LAMB4: variants seen among roughly 807,000 people sequenced by gnomAD.
The protein encoded by LAMB4 is laminin subunit beta-4.
LAMB4 carries 196 observed loss-of-function variants against 199.2 expected under a neutral mutation model. The observed-to-expected ratio is 0.98, with a 90% CI of 0.88 to 1.11. The LOEUF is 1.11. Ranked by LOEUF, LAMB4 falls within the 50% of genes least tolerant of loss-of-function variation. The pLI is 0.00. For synonymous variants in LAMB4, 744 were observed against 770.6 expected, an observed-to-expected ratio of 0.97 and a Z score of 0.57; for missense variants, 2,080 against 2,171.2, an observed-to-expected ratio of 0.96 and a Z score of 0.83.
At chr7:108,021,002 A>G (rs2034681330), downstream of LAMB4, among the ~76,000 whole-genome samples, 1 of 152,222 alleles carries the variant, frequency 6.6e-6, no homozygotes, top group African/African-American at 2.4e-5. Context: ...CCATGGAAGG[A>G]GCAGTAGAGA....
intron 23 of LAMB4, among the ~76,000 whole-genome samples, chr7:108,059,980 T>C (rs59999979): frequency 0.046 from 7,032 of 152,282 alleles, 550 homozygotes; most frequent in African/African-American, 0.16. Context: ...AAAGTGTTGA[T>C]GAAAATATTG....
chr7:108,127,271 C>T (rs2038828815), intron 1 of LAMB4, among the ~76,000 whole-genome samples: 1 of 149,466 alleles, frequency 6.7e-6, no homozygotes, highest in South Asian at 2.1e-4. Flanking sequence ...AAGGCCCCGA[C>T]ATCAGTATTT....
chr7:108,079,805 G>C lies in LAMB4; in HGVS notation c.1702-19C>G, dbSNP rs914718606. On this transcript the variant is annotated intron_variant, in intron 14 of 33. Coordinates refer to ENST00000388781, the MANE Select transcript of LAMB4 (RefSeq NM_007356.3). ...CCGAGCCCTAAAATGGGAGAGGAAT[G>C]TAAATAGCTTTGCCTACAGTCAAGG... 2 of 1,550,910 alleles carry C rather than the reference G, an allele frequency of 1.3e-6. No homozygotes were observed. The highest frequency in any genetic ancestry group is 2.5e-5 in the South Asian group (2 of 79,090).
intron 9 of LAMB4, among the ~76,000 whole-genome samples, chr7:108,103,568 C>T (rs2037892332): frequency 6.6e-6 from 1 of 152,208 alleles, no homozygotes; most frequent in Non-Finnish European, 1.5e-5. Context: ...CTTTTACTGA[C>T]TTATGCTTTG....
chr7:108,043,933 A>G (rs2035528071), intron 28 of LAMB4, 37 bp from the exon 29 acceptor site: 3 of 1,562,144 alleles, frequency 1.9e-6, no homozygotes, highest in Non-Finnish European at 2.6e-6. Flanking sequence ...ATACTCGACA[A>G]TATACTCAAC....
intron 23 of LAMB4, 116 bp from the exon 24 acceptor site, chr7:108,058,044 G>T: frequency 2.8e-6 from 2 of 702,128 alleles, no homozygotes; most frequent in East Asian, 5.4e-5. Flanking sequence ...GTGCAAAGGC[G>T]GAGGAAGGAT....
intron 23 of LAMB4, among the ~76,000 whole-genome samples, chr7:108,058,505 T>C (rs202166854): frequency 6.6e-6 from 1 of 152,234 alleles, no homozygotes; most frequent in East Asian, 1.9e-4. Flanking sequence ...TTCTGAAAAC[T>C]GAGGAGGTTG....
At chr7:108,020,415 G>A (rs1235322290), downstream of LAMB4, among the ~76,000 whole-genome samples, 1 of 145,646 alleles carries the variant, frequency 6.9e-6, no homozygotes, top group Non-Finnish European at 1.5e-5. Flanking sequence ...AGGTTGCAGT[G>A]AGCCGAGATC....
downstream of LAMB4, among the ~76,000 whole-genome samples, chr7:108,019,515 C>T (rs755968499): frequency 6.6e-6 from 1 of 152,048 alleles, no homozygotes; most frequent in Admixed American, 6.6e-5. Context: ...AGGATGTGGA[C>T]GTCTTTTGGG....
At position 108,117,573 on chromosome 7, in the gene LAMB4, C is replaced by T. The variant is rs984057201; in HGVS notation, c.35-1412G>A. On this transcript the variant is annotated intron_variant, in intron 2 of 33. Coordinates refer to ENST00000388781, the MANE Select transcript of LAMB4 (RefSeq NM_007356.3). ...TACTTATGTTACAGGAAAGGGGTCC[C>T]GACCCAGACCCCAAGTGAGGGTTCT... 6.6e-5 allele frequency among the ~76,000 whole-genome samples: 10 copies of T among 152,164 alleles called. No individual in the cohort carries two copies. The East Asian group carries it at 1.2e-3, about 18-fold the overall frequency.
intron 1 of LAMB4, among the ~76,000 whole-genome samples, chr7:108,125,002 A>G (rs938134794): frequency 6.6e-6 from 1 of 152,212 alleles, no homozygotes; most frequent in African/African-American, 2.4e-5. Context: ...TCTGTGATTC[A>G]GGCTCTTTAT....
intron 16 of LAMB4, among the ~76,000 whole-genome samples, chr7:108,077,849 A>C (rs1451346781): frequency 6.6e-6 from 1 of 152,168 alleles, no homozygotes; most frequent in Admixed American, 6.5e-5. Context: ...CTTACATTTC[A>C]AAGCCACCTG....
chr7:108,118,558 C>T (rs1049625107), intron 2 of LAMB4, among the ~76,000 whole-genome samples: 1 of 151,886 alleles, frequency 6.6e-6, no homozygotes, highest in African/African-American at 2.4e-5. Flanking sequence ...GGTGCTGGAG[C>T]AATTGGATCC....
intron 29 of LAMB4, among the ~76,000 whole-genome samples, chr7:108,040,188 G>A (rs1023968577): frequency 6.6e-6 from 1 of 152,080 alleles, no homozygotes; most frequent in African/African-American, 2.4e-5. Flanking sequence ...AAATACCTAA[G>A]AATACAGCTA....
intron 23 of LAMB4, among the ~76,000 whole-genome samples, chr7:108,058,206 A>C (rs995901456): frequency 1.1e-4 from 16 of 152,240 alleles, no homozygotes; most frequent in Non-Finnish European, 1.6e-4. Context: ...ATGAAAACAA[A>C]ACACATAATG....
intron 24 of LAMB4, 68 bp from the exon 25 acceptor site, chr7:108,056,075 A>G (rs1239620955): frequency 1.5e-5 from 21 of 1,438,400 alleles, no homozygotes; most frequent in Admixed American, 4.4e-5. Flanking sequence ...CTCAAGAATC[A>G]GGTCTTTTCC....
chr7:108,089,254 G>C (rs1433656206), intron 14 of LAMB4, among the ~76,000 whole-genome samples: 1 of 151,968 alleles, frequency 6.6e-6, no homozygotes, highest in East Asian at 1.9e-4. Context: ...GGTCAATAGG[G>C]GCCCAGCATG....
At chr7:108,063,675 C>A in intron 22 of LAMB4, 86 bp downstream of exon 22, 3 of 1,223,652 alleles carry the variant, frequency 2.5e-6, no homozygotes, top group South Asian at 2.4e-5. Context: ...ACTGGCCTAA[C>A]TGAAATGATC....
chr7:108,121,419 T>C (rs892903517), intron 2 of LAMB4, among the ~76,000 whole-genome samples: 1 of 152,174 alleles, frequency 6.6e-6, no homozygotes, highest in Non-Finnish European at 1.5e-5. Context: ...AAACACATGT[T>C]TATACGTTCA....
Sources: gnomAD v4.1 joint callset for allele counts (sites outside exome capture counted in the v4.1 genomes callset) on GRCh38, gnomAD v4.1.1 for gene constraint, MANE v1.5 for transcripts, NCBI Gene and HGNC (gene_info 2026-07-23, HGNC 2026-07-21) for gene names.